YIPF4: variants seen among roughly 807,000 people sequenced by gnomAD.
The protein encoded by YIPF4 is Yip1 domain family member 4, also known as protein YIPF4.
A neutral mutation model predicts 29.4 loss-of-function variants in YIPF4; 18 were observed. That is an observed-to-expected ratio of 0.61 (90% CI 0.42 to 0.91). YIPF4 has a LOEUF of 0.91. Among genes scored for constraint, YIPF4 ranks in the 40% least tolerant of loss-of-function variants. The probability of loss-of-function intolerance (pLI) is 0.00; values close to 1 mark genes in which losing one functional copy is unlikely to be tolerated. For missense variants in YIPF4, 279 were observed against 282.7 expected (o/e 0.99, Z 0.09); for synonymous variants, 115 against 104.7 (o/e 1.10, Z -0.60).
intron 1 of YIPF4, among the ~76,000 whole-genome samples, chr2:32,289,187 T>A (rs552089076): frequency 6.6e-6 from 1 of 152,176 alleles, no homozygotes; most frequent in Admixed American, 6.5e-5. Context: ...ATAAAAACTT[T>A]TTAGAATTAT....
At chr2:32,281,886 C>A (rs1368911599) in intron 1 of YIPF4, among the ~76,000 whole-genome samples, 2 of 129,654 alleles carry the variant, frequency 1.5e-5, no homozygotes, top group Admixed American at 1.7e-4. Flanking sequence ...CAGGGTGAGA[C>A]TCTGTCTCAA....
intron 3 of YIPF4, among the ~76,000 whole-genome samples, chr2:32,293,486 A>T (rs1052597294): frequency 2.6e-5 from 4 of 152,150 alleles, no homozygotes; most frequent in African/African-American, 9.7e-5. Context: ...TCCCATGTCT[A>T]CTTCTTTCCA....
At position 32,279,394 on chromosome 2, in the gene YIPF4, CTTTTT is replaced by C. The variant is rs35036420; in HGVS notation, c.79+1177_79+1181del. ...AGTCTGAGAAAGAACCTAGATTTTC[CTTTTT>C]TTTTTTTTTTTTTTTTGAGACTGAG... On this transcript the variant is annotated intron_variant, in intron 1 of 5. Transcript: ENST00000238831. 9.2e-4 allele frequency among the ~76,000 whole-genome samples: 91 copies of C among 98,754 alleles called. 1 individual carries two copies. Among genetic ancestry groups the C allele is most frequent in the Non-Finnish European group, 1.3e-3 (67 of 52,826 alleles). 64.8% of individuals were successfully genotyped at this position (98,754 alleles called of 152,430 possible).
chr2:32,278,070 A>G lies in YIPF4; in HGVS notation c.-86A>G. ...GACTCGTAGGCCGCACCGTAGGGCG[A>G]GCGTGCGGGTCGCCGCCGCGGCCGC... On this transcript the variant is annotated 5_prime_UTR_variant, in exon 1 of 6. Coordinates refer to ENST00000238831, the MANE Select transcript of YIPF4 (RefSeq NM_032312.4). 1 of 1,202,290 alleles carries G rather than the reference A, an allele frequency of 8.3e-7. No individual in the cohort carries two copies. 74.5% of individuals were successfully genotyped at this position (1,202,290 alleles called of 1,614,324 possible). A position where few individuals can be genotyped will look rare whatever the true frequency, so the allele number is the denominator to read the frequency against.
At position 32,293,978 on chromosome 2, in the gene YIPF4, G is replaced by A. The variant is rs2031049916; in HGVS notation, c.405+1630G>A. Among the ~76,000 whole-genome samples the A allele has an allele frequency of 2.7e-5, 4 of 148,908 alleles. 1 individual carries two copies. The South Asian group carries it at 6.4e-4, about 24-fold the overall frequency. ...AACCTCCCTCCCGGACGGGGCGGCT[G>A]GCTGGGCAGGGGGCTGATCCCCCCA... is the stretch of plus-strand genomic sequence containing the variant. On this transcript the variant is annotated intron_variant, in intron 3 of 5. Coordinates refer to ENST00000238831, the MANE Select transcript of YIPF4 (RefSeq NM_032312.4).
rs1030008807 is a variant in YIPF4, at chr2:32,309,467, A to C, written c.*3841A>C. ...GACTTCTAAATTAGTGAAAATTTGC[A>C]TTGAATTAAAATGTGAAGTAAATAT... is the stretch of plus-strand genomic sequence containing the variant. On this transcript the variant is annotated 3_prime_UTR_variant, in exon 6 of 6. Transcript: ENST00000238831. 6.6e-6 allele frequency: 1 copy of C among 152,250 alleles called. No individual in the cohort carries two copies. Among genetic ancestry groups the C allele is most frequent in the South Asian group, 2.1e-4 (1 of 4,838 alleles). 9.4% of individuals were successfully genotyped at this position (152,250 alleles called of 1,614,324 possible). A position where few individuals can be genotyped will look rare whatever the true frequency, so the allele number is the denominator to read the frequency against.
At chr2:32,281,111 G>T (rs2030388264) in intron 1 of YIPF4, among the ~76,000 whole-genome samples, 1 of 151,936 alleles carries the variant, frequency 6.6e-6, no homozygotes, top group Admixed American at 6.6e-5. Context: ...AAACTTCTCT[G>T]TATTTCCTCA....
At chr2:32,287,726 G>T (rs956873522) in intron 1 of YIPF4, among the ~76,000 whole-genome samples, 2 of 152,142 alleles carry the variant, frequency 1.3e-5, no homozygotes, top group African/African-American at 4.8e-5. Flanking sequence ...TTTTCCAAAG[G>T]TGGCTTTCAG....
At position 32,313,825 on chromosome 2, in the gene YIPF4, C is replaced by G. The variant is rs2031768774; in HGVS notation, c.*8199C>G. ...TCAAGCGATTCTCCTGCCTCAGCCTCCCGAGTAGCTGGGATTACAGGCACC... is the reference window on the plus strand; with the variant it reads ...TCAAGCGATTCTCCTGCCTCAGCCTGCCGAGTAGCTGGGATTACAGGCACC... On this transcript the variant is annotated 3_prime_UTR_variant, in exon 6 of 6. Transcript: ENST00000238831. 1 of 152,294 alleles carries G rather than the reference C, an allele frequency of 6.6e-6. No homozygotes were observed. Among genetic ancestry groups the G allele is most frequent in the Non-Finnish European group, 1.5e-5 (1 of 68,158 alleles). 9.4% of individuals were successfully genotyped at this position (152,294 alleles called of 1,614,324 possible). A position where few individuals can be genotyped will look rare whatever the true frequency, so the allele number is the denominator to read the frequency against.
chr2:32,293,343 C>G (rs1426160777), intron 3 of YIPF4, among the ~76,000 whole-genome samples: 1 of 152,162 alleles, frequency 6.6e-6, no homozygotes, highest in African/African-American at 2.4e-5. Context: ...ACATCTTGCA[C>G]CGCCCTTAAC....
chr2:32,278,366 C>A, intron 1 of YIPF4, 132 bp downstream of exon 1: 1 of 866,346 alleles, frequency 1.2e-6, no homozygotes, highest in Non-Finnish European at 1.7e-6. Flanking sequence ...TGCAGCCCAC[C>A]ACGCCTGCCG....
At position 32,297,743 on chromosome 2, in the gene YIPF4, C is replaced by G. The variant is rs182939570; in HGVS notation, c.406-491C>G. Among the ~76,000 whole-genome samples, 717 of 152,206 alleles carry G rather than the reference C, an allele frequency of 4.7e-3. 4 individuals are homozygous for G. The highest frequency in any genetic ancestry group is 6.6e-3 in the Non-Finnish European group (452 of 68,000). ...TTATGTTGCTACTGGGGTATTATTT[C>G]TAGACCATTCCAGCAGACAGCTTCA... On this transcript the variant is annotated intron_variant, in intron 3 of 5. Transcript: ENST00000238831.
intron 1 of YIPF4, among the ~76,000 whole-genome samples, chr2:32,287,362 C>A (rs540733059): frequency 1.6e-4 from 24 of 152,230 alleles, no homozygotes; most frequent in African/African-American, 5.5e-4. Context: ...CTGGGTCATA[C>A]TGAAGCACAC....
At chr2:32,303,190 G>A (rs946851832) in intron 5 of YIPF4, among the ~76,000 whole-genome samples, 6 of 152,108 alleles carry the variant, frequency 3.9e-5, no homozygotes, top group South Asian at 2.1e-4. Context: ...GCAACGTGGC[G>A]AAACTCCATC....
chr2:32,291,329 G>A (rs1295964299), intron 2 of YIPF4, among the ~76,000 whole-genome samples: 1 of 152,202 alleles, frequency 6.6e-6, no homozygotes, highest in East Asian at 1.9e-4. Context: ...GAGATTAGAA[G>A]TTCAAGATGA....
rs2031832394 is a variant in YIPF4, at chr2:32,316,311, C to T, written c.*10685C>T. The T allele has an allele frequency of 1.3e-5, 2 of 152,028 alleles. No individual in the cohort carries two copies. Among genetic ancestry groups the T allele is most frequent in the Admixed American group, 1.3e-4 (2 of 15,254 alleles). 9.4% of individuals were successfully genotyped at this position (152,028 alleles called of 1,614,324 possible). A position where few individuals can be genotyped will look rare whatever the true frequency, so the allele number is the denominator to read the frequency against. On this transcript the variant is annotated 3_prime_UTR_variant, in exon 6 of 6. Transcript: ENST00000238831. ...AATAAAATGGGCTAGGGATATAAATCAGCAATTCAAGGGGAGGGTAAAAAG... is the reference window on the plus strand; with the variant it reads ...AATAAAATGGGCTAGGGATATAAATTAGCAATTCAAGGGGAGGGTAAAAAG...
chr2:32,284,615 C>T (rs536332535), intron 1 of YIPF4, among the ~76,000 whole-genome samples: 9 of 152,170 alleles, frequency 5.9e-5, no homozygotes, highest in Admixed American at 1.3e-4. Flanking sequence ...AGCCATGCTT[C>T]CTGTAGAGCC....
At chr2:32,290,141 G>T (rs892368900) in intron 1 of YIPF4, among the ~76,000 whole-genome samples, 3 of 152,176 alleles carry the variant, frequency 2.0e-5, no homozygotes, top group African/African-American at 7.2e-5. Flanking sequence ...GTGTAAGAAT[G>T]AAGGAATCCA....
chr2:32,290,729 C>CT, intron 2 of YIPF4, 93 bp downstream of exon 2: 1 of 894,342 alleles, frequency 1.1e-6, no homozygotes, highest in Admixed American at 4.2e-5. Flanking sequence ...AAGCATTAAC[C>CT]TTTTTTGGTC....
Sources: allele counts gnomAD v4.1 joint callset (sites outside exome capture counted in the v4.1 genomes callset), GRCh38; gene constraint gnomAD v4.1.1; transcripts MANE v1.5; gene names NCBI Gene and HGNC (gene_info 2026-07-23, HGNC 2026-07-21).